The following AP3B1 variants were observed in gnomAD, a reference collection of about 807,000 sequenced individuals.
AP3B1 encodes AP-3 complex subunit beta-1.
Under a neutral mutation model 132.5 loss-of-function variants are expected in AP3B1, and 61 were observed. That is an observed-to-expected ratio of 0.46 (90% CI 0.37 to 0.57). The LOEUF is 0.57. Ranked by LOEUF, AP3B1 falls within the 20% of genes least tolerant of loss-of-function variation. AP3B1 has a pLI of 0.00. For synonymous variants in AP3B1, 388 were observed against 438.3 expected (o/e 0.89, Z 1.43); for missense variants, 1,120 against 1,289.4 (o/e 0.87, Z 2.01).
At chr5:78,292,959 G>A (rs1440718881) in intron 1 of AP3B1, among the ~76,000 whole-genome samples, 2 of 151,830 alleles carry the variant, frequency 1.3e-5, no homozygotes, top group African/African-American at 4.8e-5. Context: ...GCTCACTGCA[G>A]CTTCCGCCTC....
At chr5:78,125,160 C>T (rs564407832) in intron 17 of AP3B1, among the ~76,000 whole-genome samples, 5 of 152,102 alleles carry the variant, frequency 3.3e-5, no homozygotes, top group Admixed American at 6.6e-5. Context: ...ATGCAGAAGG[C>T]GGTCTTTCTG....
chr5:78,239,449 A>AC (rs1747021749), intron 3 of AP3B1, among the ~76,000 whole-genome samples: 1 of 133,890 alleles, frequency 7.5e-6, no homozygotes, highest in Non-Finnish European at 1.6e-5. Context: ...CCAGCCTGGG[A>AC]GATAGAGAGG....
chr5:78,072,999 C>T (rs960946364), intron 22 of AP3B1, among the ~76,000 whole-genome samples: 2 of 151,978 alleles, frequency 1.3e-5, no homozygotes, highest in Admixed American at 6.6e-5. Flanking sequence ...GGATTACAGG[C>T]GTGAGCCACC....
At chr5:78,134,466 A>G (rs367641971) in intron 15 of AP3B1, among the ~76,000 whole-genome samples, 26 of 152,188 alleles carry the variant, frequency 1.7e-4, no homozygotes, top group African/African-American at 6.3e-4. Context: ...AATGAAGTAA[A>G]CTCTACATAG....
chr5:78,012,051 T>C (rs1746645568), intron 26 of AP3B1, among the ~76,000 whole-genome samples: 1 of 151,970 alleles, frequency 6.6e-6, no homozygotes, highest in Admixed American at 6.5e-5. Flanking sequence ...TTAATAAATA[T>C]TAGAGTGGCT....
intron 21 of AP3B1, among the ~76,000 whole-genome samples, chr5:78,091,428 T>C (rs1382753316): frequency 6.6e-6 from 1 of 152,086 alleles, no homozygotes; most frequent in African/African-American, 2.4e-5. Flanking sequence ...CTCTTGGTCT[T>C]CCCTACGCTC....
intron 20 of AP3B1, among the ~76,000 whole-genome samples, chr5:78,107,036 T>A (rs1434166719): frequency 6.6e-6 from 1 of 151,904 alleles, no homozygotes; most frequent in Non-Finnish European, 1.5e-5. Context: ...ACAGGAAAAA[T>A]TTAGAGGGAA....
chr5:78,230,812 AT>A (rs1379869047), intron 3 of AP3B1, among the ~76,000 whole-genome samples: 7 of 152,206 alleles, frequency 4.6e-5, no homozygotes, highest in Non-Finnish European at 7.3e-5. Context: ...ATAAATCTGT[AT>A]GACATTGAAA....
intron 22 of AP3B1, among the ~76,000 whole-genome samples, chr5:78,070,941 T>G (rs923946784): frequency 6.6e-6 from 1 of 152,144 alleles, no homozygotes; most frequent in African/African-American, 2.4e-5. Flanking sequence ...GAAATAGGAA[T>G]GCTTTTACAC....
downstream of AP3B1, chr5:78,001,356 G>C (rs779485623): frequency 6.6e-6 from 1 of 152,182 alleles, no homozygotes; most frequent in African/African-American, 2.4e-5. Context: ...GATTACAAAG[G>C]GGCTTTTGGG....
intron 17 of AP3B1, among the ~76,000 whole-genome samples, chr5:78,120,731 C>A (rs1207400385): frequency 6.6e-6 from 1 of 152,054 alleles, no homozygotes; most frequent in Non-Finnish European, 1.5e-5. Context: ...TAGACTCCCA[C>A]ACATTAATAA....
chr5:78,041,103 T>C (rs1748064321), intron 22 of AP3B1, among the ~76,000 whole-genome samples: 1 of 151,842 alleles, frequency 6.6e-6, no homozygotes, highest in African/African-American at 2.4e-5. Context: ...GGAGAAACCC[T>C]GTCTCTACTA....
intron 22 of AP3B1, among the ~76,000 whole-genome samples, chr5:78,081,468 C>A (rs1276448388): frequency 6.6e-6 from 1 of 151,950 alleles, no homozygotes; most frequent in African/African-American, 2.4e-5. Context: ...CCACTGCGCC[C>A]GGCTAATTTT....
At chr5:78,260,683 T>C (rs375181318) in intron 2 of AP3B1, among the ~76,000 whole-genome samples, 1 of 152,186 alleles carries the variant, frequency 6.6e-6, no homozygotes, top group African/African-American at 2.4e-5. Flanking sequence ...ACAGCGCTCA[T>C]GCCTACACAA....
intron 7 of AP3B1, among the ~76,000 whole-genome samples, chr5:78,213,975 C>T (rs996277470): frequency 7.2e-5 from 11 of 152,122 alleles, no homozygotes; most frequent in African/African-American, 2.2e-4. Context: ...TGGCAAAAGC[C>T]CAAAAAGCTG....
Position 78,228,213 on chromosome 5 carries a change from C to G in AP3B1, c.306G>C (p.Leu102=), listed in dbSNP as rs746322233. 35 of 1,610,936 alleles carry G rather than the reference C, an allele frequency of 2.2e-5. No individual in the cohort carries two copies. In the Admixed American group the frequency reaches 5.9e-4, roughly 27 times the overall value. Residue 102 remains leucine, a synonymous_variant, in exon 4 of 27, where the codon CTG becomes CTC. Coordinates refer to ENST00000255194, the MANE Select transcript of AP3B1 (RefSeq NM_003664.5). ...IEIKKLVYVY[L]VRYAEEQQDL... ...CCTGCTGTTCTTCAGCATATCGAAC[C>G]AGGTAAACATATACCAACTTCTTGA...
intron 3 of AP3B1, among the ~76,000 whole-genome samples, chr5:78,229,575 CAAAA>C (rs70997973): frequency 7.4e-6 from 1 of 134,342 alleles, no homozygotes; most frequent in African/African-American, 2.8e-5. Flanking sequence ...TCTAGTAAAA[CAAAA>C]AAAAAAAAAA....
chr5:78,052,398 T>C (rs1015105929), intron 22 of AP3B1, among the ~76,000 whole-genome samples: 2 of 152,210 alleles, frequency 1.3e-5, no homozygotes, highest in Non-Finnish European at 2.9e-5. Flanking sequence ...CTGTCTATTT[T>C]TGCAATGCCT....
At chr5:78,269,497 A>G (rs1748463433) in intron 1 of AP3B1, among the ~76,000 whole-genome samples, 1 of 152,210 alleles carries the variant, frequency 6.6e-6, no homozygotes, top group Admixed American at 6.5e-5. Flanking sequence ...ACTGAAAAAT[A>G]AAGTTTACCA....
Sources: allele counts gnomAD v4.1 joint callset (sites outside exome capture counted in the v4.1 genomes callset), GRCh38; gene constraint gnomAD v4.1.1; transcripts MANE v1.5; gene names NCBI Gene and HGNC (gene_info 2026-07-23, HGNC 2026-07-21).